TSPAN7: variants seen among roughly 807,000 people sequenced by gnomAD.
TSPAN7 encodes the protein tetraspanin-7.
A neutral mutation model predicts 17.6 loss-of-function variants in TSPAN7; 1 was observed. The observed-to-expected ratio is 0.06, with a 90% CI of 0.02 to 0.27. The LOEUF is 0.27. Among genes scored for constraint, TSPAN7 ranks in the 10% least tolerant of loss-of-function variants. TSPAN7 has a pLI of 1.00. For missense variants in TSPAN7, 112 were observed against 201.7 expected (o/e 0.56, Z 2.69); for synonymous variants, 78 against 79.0 (o/e 0.99, Z 0.07).
At chrX:38,642,367 T>G (rs2069617619) in intron 1 of TSPAN7, among the ~76,000 whole-genome samples, 1 of 112,172 alleles carries the variant, frequency 8.9e-6, no homozygotes, top group African/African-American at 3.2e-5. Context: ...ACAATTATGC[T>G]TTGCTCATTA....
intron 1 of TSPAN7, among the ~76,000 whole-genome samples, chrX:38,634,315 G>A (rs898564230): frequency 8.9e-6 from 1 of 112,016 alleles, no homozygotes; most frequent in African/African-American, 3.2e-5. Flanking sequence ...CCTGCATAAG[G>A]CTTTAAAAGG....
chrX:38,614,604 T>C lies in TSPAN7; in HGVS notation c.82-51517T>C, dbSNP rs1049968584. Among the ~76,000 whole-genome samples, 6 of 112,719 alleles carry C rather than the reference T, an allele frequency of 5.3e-5. No homozygotes were observed. The South Asian group carries it at 1.5e-3, about 28-fold the overall frequency. ...TGACATGTTTTGAGTTGTGTAACCTTGATTTACAAAGTGAATGGGGCACCC... is the reference window on the plus strand; with the variant it reads ...TGACATGTTTTGAGTTGTGTAACCTCGATTTACAAAGTGAATGGGGCACCC... On this transcript the variant is annotated intron_variant, in intron 1 of 7. Coordinates refer to ENST00000378482, the MANE Select transcript of TSPAN7 (RefSeq NM_004615.4).
chrX:38,635,112 A>T (rs1392365639), intron 1 of TSPAN7, among the ~76,000 whole-genome samples: 1 of 110,930 alleles, frequency 9.0e-6, no homozygotes, highest in Non-Finnish European at 1.9e-5. Flanking sequence ...GTCTCTTCAG[A>T]TTATCCTTCC....
intron 2 of TSPAN7, among the ~76,000 whole-genome samples, chrX:38,667,190 A>G (rs748609364): frequency 1.8e-5 from 2 of 111,643 alleles, no homozygotes; most frequent in African/African-American, 3.3e-5. Flanking sequence ...TGCAGGGTGC[A>G]TACTCTCATG....
chrX:38,642,385 G>A (rs2069617853), intron 1 of TSPAN7, among the ~76,000 whole-genome samples: 1 of 112,256 alleles, frequency 8.9e-6, no homozygotes, highest in African/African-American at 3.2e-5. Flanking sequence ...TTATTGTGCT[G>A]AGTACTGAGG....
At chrX:38,635,871 G>A (rs1201570193) in intron 1 of TSPAN7, among the ~76,000 whole-genome samples, 1 of 110,966 alleles carries the variant, frequency 9.0e-6, no homozygotes, top group African/African-American at 3.3e-5. Context: ...TAGCTATGTG[G>A]GCCCTTCCAG....
At chrX:38,670,155 T>C (rs2069810968) in intron 2 of TSPAN7, among the ~76,000 whole-genome samples, 1 of 112,096 alleles carries the variant, frequency 8.9e-6, no homozygotes, top group African/African-American at 3.2e-5. Flanking sequence ...ATGTATACTT[T>C]ATGAGACATG....
intron 1 of TSPAN7, among the ~76,000 whole-genome samples, chrX:38,570,125 C>T (rs1299565782): frequency 9.0e-6 from 1 of 111,332 alleles, no homozygotes; most frequent in Non-Finnish European, 1.9e-5. Context: ...AGATGAAGTC[C>T]CATGTGTCTT....
intron 1 of TSPAN7, among the ~76,000 whole-genome samples, chrX:38,654,023 G>A (rs2069689398): frequency 8.9e-6 from 1 of 111,944 alleles, no homozygotes; most frequent in Admixed American, 9.5e-5. Context: ...CAGGATGGAC[G>A]ATGCTGGCTT....
intron 1 of TSPAN7, among the ~76,000 whole-genome samples, chrX:38,650,778 C>T (rs1311856529): frequency 9.0e-6 from 1 of 111,495 alleles, no homozygotes; most frequent in African/African-American, 3.3e-5. Context: ...CTTTTCTGGA[C>T]TTCTCATTTG....
intron 1 of TSPAN7, among the ~76,000 whole-genome samples, chrX:38,624,552 G>T (rs1484760443): frequency 8.9e-6 from 1 of 112,328 alleles, no homozygotes; most frequent in East Asian, 2.8e-4. Flanking sequence ...TGAAGAAATA[G>T]GTTTCAGTTA....
chrX:38,648,279 T>C (rs143309986), intron 1 of TSPAN7, among the ~76,000 whole-genome samples: 2,168 of 112,086 alleles, frequency 0.019, 44 homozygotes, highest in African/African-American at 0.066. Context: ...ATAATAACAT[T>C]TTTTCACTTA....
intron 1 of TSPAN7, among the ~76,000 whole-genome samples, chrX:38,649,164 C>G (rs1184401206): frequency 4.5e-5 from 5 of 111,317 alleles, no homozygotes; most frequent in Non-Finnish European, 9.4e-5. Context: ...TGTGACACCT[C>G]TTCGTATGCT....
intron 5 of TSPAN7, among the ~76,000 whole-genome samples, chrX:38,677,067 C>CTT (rs769739357): frequency 1.8e-5 from 2 of 111,155 alleles, no homozygotes; most frequent in African/African-American, 6.6e-5. Flanking sequence ...GTACCCAAGT[C>CTT]TTTTTTTTCC....
chrX:38,580,713 ACAGT>A (rs1250785700), intron 1 of TSPAN7, among the ~76,000 whole-genome samples: 4 of 112,074 alleles, frequency 3.6e-5, no homozygotes, highest in Non-Finnish European at 3.8e-5. Flanking sequence ...ATTCCTTGTA[ACAGT>A]CTATTGAGGA....
intron 1 of TSPAN7, among the ~76,000 whole-genome samples, chrX:38,650,501 G>T (rs777158545): frequency 8.9e-6 from 1 of 111,842 alleles, no homozygotes; most frequent in Non-Finnish European, 1.9e-5. Context: ...GTAAGAGCCA[G>T]GGGCTTTCCT....
intron 1 of TSPAN7, among the ~76,000 whole-genome samples, chrX:38,640,902 G>A (rs56314793): frequency 0.024 from 2,671 of 111,958 alleles, 78 homozygotes; most frequent in African/African-American, 0.083. Context: ...TTAAGCACTT[G>A]TATGTTTCAG....
intron 1 of TSPAN7, among the ~76,000 whole-genome samples, chrX:38,627,772 G>A (rs149996798): frequency 0.036 from 4,063 of 113,146 alleles, 179 homozygotes; most frequent in African/African-American, 0.12. Context: ...TTTGCCCCTT[G>A]TGGGGGGATG....
chrX:38,588,901 A>G (rs1186738372), intron 1 of TSPAN7, among the ~76,000 whole-genome samples: 1 of 111,567 alleles, frequency 9.0e-6, no homozygotes, highest in Non-Finnish European at 1.9e-5. Context: ...CCAGTTTATC[A>G]TTGTAATGGA....
Sources: allele counts gnomAD v4.1 joint callset (sites outside exome capture counted in the v4.1 genomes callset), GRCh38; gene constraint gnomAD v4.1.1; transcripts MANE v1.5; gene names NCBI Gene and HGNC (gene_info 2026-07-23, HGNC 2026-07-21).